SLC6A4: variants seen among roughly 807,000 people sequenced by gnomAD.
SLC6A4 encodes sodium-dependent serotonin transporter.
A neutral mutation model predicts 73.4 loss-of-function variants in SLC6A4; 22 were observed. That is an observed-to-expected ratio of 0.30 (90% CI 0.21 to 0.43). The LOEUF (loss-of-function observed/expected upper bound fraction) is 0.43, where lower values mean the gene tolerates loss of function less well. Among genes scored for constraint, SLC6A4 ranks in the 20% least tolerant of loss-of-function variants. SLC6A4 has a pLI of 1.00. For missense variants in SLC6A4, 593 were observed against 808.5 expected (o/e 0.73, Z 3.23); for synonymous variants, 270 against 315.5 (o/e 0.86, Z 1.53).
intron 5 of SLC6A4, among the ~76,000 whole-genome samples, chr17:30,217,608 G>A (rs1461769764): frequency 6.6e-6 from 1 of 152,238 alleles, no homozygotes; most frequent in Non-Finnish European, 1.5e-5. Context: ...TGAGGGATGT[G>A]TAAGTGTGGG....
chr17:30,221,915 C>T lies in SLC6A4; in HGVS notation c.44G>A (p.Cys15Tyr). The change falls in exon 3 of 15, where the codon TGT becomes TAT. Residue 15 changes from cysteine (C) to tyrosine (Y), a missense_variant. Coordinates refer to ENST00000650711, the MANE Select transcript of SLC6A4 (RefSeq NM_001045.6). ...TTCCTGACAATCTTCTCCATCTTCACACGCTGATAGCTGCTTCTGAGAATT... is the reference window on the plus strand; with the variant it reads ...TTCCTGACAATCTTCTCCATCTTCATACGCTGATAGCTGCTTCTGAGAATT... ...PLNSQKQLSA[C>Y]EDGEDCQENG... 1 of 1,614,194 alleles carries T rather than the reference C, an allele frequency of 6.2e-7. No homozygotes were observed. Among genetic ancestry groups the T allele is most frequent in the Non-Finnish European group, 8.5e-7 (1 of 1,180,036 alleles).
chr17:30,199,051 G>T (rs1411483918), intron 14 of SLC6A4, among the ~76,000 whole-genome samples: 3 of 152,128 alleles, frequency 2.0e-5, no homozygotes, highest in Admixed American at 6.6e-5. Flanking sequence ...AAGCAATACT[G>T]GTTAGTTCAT....
intron 13 of SLC6A4, chr17:30,206,134 T>C (rs1201576564): frequency 6.6e-6 from 1 of 150,724 alleles, no homozygotes; most frequent in Admixed American, 6.6e-5. Context: ...ACAGAACAGC[T>C]GGATGCCAAA....
chr17:30,227,205 G>A (rs1207946556), intron 1 of SLC6A4, among the ~76,000 whole-genome samples: 1 of 152,346 alleles, frequency 6.6e-6, no homozygotes, highest in Admixed American at 6.5e-5. Flanking sequence ...GGGGGCTCAC[G>A]TTTGCATCTG....
chr17:30,212,942 CT>C, intron 8 of SLC6A4, 75 bp from the exon 9 acceptor site: 2 of 1,530,978 alleles, frequency 1.3e-6, no homozygotes, highest in Non-Finnish European at 1.8e-6. Flanking sequence ...GTCCGTGTGC[CT>C]GCCCTGCCTT....
At chr17:30,218,006 ATC>A in intron 5 of SLC6A4, 110 bp downstream of exon 5, 1 of 773,074 alleles carries the variant, frequency 1.3e-6, no homozygotes, top group South Asian at 1.7e-5. Context: ...TGATAGCTTC[ATC>A]TCTCAGAAAG....
chr17:30,222,150 T>C, intron 2 of SLC6A4, 69 bp from the exon 3 acceptor site: 1 of 968,812 alleles, frequency 1.0e-6, no homozygotes, highest in Non-Finnish European at 1.5e-6. Flanking sequence ...TATTAACTCA[T>C]CATACATCTT....
chr17:30,203,540 C>G (rs866496269), intron 13 of SLC6A4: 1 of 564,954 alleles, frequency 1.8e-6, no homozygotes, highest in African/African-American at 1.9e-5. Context: ...CAGCCAGGTG[C>G]TTTCCCTGAT....
Position 30,222,036 on chromosome 17 carries a change from C to A in SLC6A4, c.-78G>T. The A allele has an allele frequency of 6.2e-7, 1 of 1,605,018 alleles. No homozygotes were observed. Among genetic ancestry groups the A allele is most frequent in the South Asian group, 1.1e-5 (1 of 89,932 alleles). On this transcript the variant is annotated 5_prime_UTR_variant, in exon 3 of 15. Coordinates refer to ENST00000650711, the MANE Select transcript of SLC6A4 (RefSeq NM_001045.6). ...TCTCTGGGTGCTTGGATTTGTGGATCACCTCCGAGCTCTCTATCGTCGGGA... is the reference window on the plus strand; with the variant it reads ...TCTCTGGGTGCTTGGATTTGTGGATAACCTCCGAGCTCTCTATCGTCGGGA...
rs1338210090 is a variant in SLC6A4, at chr17:30,221,951, G to A, written c.8C>T (p.Thr3Met). The stretch of plus-strand genomic sequence containing the variant: ...CTGCTTCTGAGAATTCAAGGGCGTC[G>A]TCTCCATCCTGCTGGTTAGTAAATG... ME[T>M]TPLNSQKQLS... The change falls in exon 3 of 15, where the codon ACG (threonine) becomes ATG (methionine). Residue 3 changes from threonine (T) to methionine (M), a missense_variant. By Grantham distance (81) the Thr-to-Met change is moderately conservative. Transcript: ENST00000650711. The A allele has an allele frequency of 8.1e-6, 13 of 1,613,870 alleles. No individual in the cohort carries two copies. In the Admixed American group the frequency reaches 1.2e-4, roughly 14 times the overall value.
Position 30,221,985 on chromosome 17 carries a change from G to A in SLC6A4, c.-27C>T, listed in dbSNP as rs200782110. 1.9e-6 allele frequency: 3 copies of A among 1,613,722 alleles called. No individual in the cohort carries two copies. The highest frequency in any genetic ancestry group is 1.1e-5 in the South Asian group (1 of 91,052). ...CTGCTGGTTAGTAAATGACACTGAT[G>A]TCCATCTGCCAAGGATCCCAATTGA... On this transcript the variant is annotated 5_prime_UTR_variant, in exon 3 of 15. Coordinates refer to ENST00000650711, the MANE Select transcript of SLC6A4 (RefSeq NM_001045.6).
intron 7 of SLC6A4, 77 bp from the exon 8 acceptor site, chr17:30,215,791 C>G (rs2143014850): frequency 7.9e-7 from 1 of 1,273,374 alleles, no homozygotes; most frequent in East Asian, 2.3e-5. Context: ...GGTCGCCACT[C>G]CTGCCTCCAT....
At chr17:30,218,661 C>A in intron 4 of SLC6A4, 136 bp downstream of exon 4, 3 of 886,938 alleles carry the variant, frequency 3.4e-6, no homozygotes, top group Non-Finnish European at 5.3e-6. Context: ...CAGTCAAAAC[C>A]TTAATTACTC....
intron 13 of SLC6A4, among the ~76,000 whole-genome samples, chr17:30,204,132 C>T (rs562491144): frequency 2.0e-5 from 3 of 152,266 alleles, no homozygotes; most frequent in Non-Finnish European, 4.4e-5. Flanking sequence ...GTGCTCCCAA[C>T]ACCCAGTTTA....
In SLC6A4 at chr17:30,207,755, C is replaced by T. The variant is rs754815105; in HGVS notation, c.1627G>A (p.Ala543Thr). Residue 543 changes from alanine to threonine, a missense_variant, in exon 13 of 15, where the codon GCC (alanine) becomes ACC (threonine). Physicochemically the swap from Ala to Thr is moderately conservative, Grantham distance 58. Transcript: ENST00000650711. ...ACCAGGAGAAACAGAGGGCTGATGG[C>T]CACCCAGCAGATCCTCCAGAACCAC... is the stretch of plus-strand genomic sequence containing the variant. ...PGWFWRICWVAISPLFLLFII... is the reference protein window; with the variant it reads ...PGWFWRICWVTISPLFLLFII... The T allele has an allele frequency of 1.2e-6, 2 of 1,612,398 alleles. No individual in the cohort carries two copies. The highest frequency in any genetic ancestry group is 1.3e-5 in the African/African-American group (1 of 74,836).
intron 11 of SLC6A4, among the ~76,000 whole-genome samples, chr17:30,209,643 CAA>C (rs113621056): frequency 5.2e-4 from 30 of 57,574 alleles, no homozygotes; most frequent in Admixed American, 3.9e-4. Context: ...AGACTCTGTC[CAA>C]AAAAAAAAAA....
rs1395281409 is a variant in SLC6A4 at position 30,214,999 on chromosome 17, CCTTT to C, written c.1076+608_1076+611del. On this transcript the variant is annotated intron_variant, in intron 8 of 14. Coordinates refer to ENST00000650711, the MANE Select transcript of SLC6A4 (RefSeq NM_001045.6). ...TTTCTTTCTTTTTCTTTCCTTCCTT[CCTTT>C]CTTTCTTTCTTTCTTTCTTTTTTCT... Among the ~76,000 whole-genome samples the C allele has an allele frequency of 9.1e-3, 251 of 27,478 alleles. 2 individuals carry two copies. Among genetic ancestry groups the C allele is most frequent in the Middle Eastern group, 0.04 (2 of 50 alleles). The allele number at this position is 27,478 out of a possible 152,430, so 18.0% of individuals were successfully genotyped here.
intron 1 of SLC6A4, among the ~76,000 whole-genome samples, chr17:30,225,761 C>A (rs1326700960): frequency 6.6e-6 from 1 of 152,160 alleles, no homozygotes; most frequent in Non-Finnish European, 1.5e-5. Context: ...AAGCTTCGTC[C>A]CCCTAGGTCT....
intron 11 of SLC6A4, 105 bp downstream of exon 11, chr17:30,210,410 C>T: frequency 7.7e-7 from 1 of 1,295,030 alleles, no homozygotes; most frequent in East Asian, 2.5e-5. Context: ...CTCCTTTGGT[C>T]CCAAAGCCAG....
Sources: allele counts gnomAD v4.1 joint callset (sites outside exome capture counted in the v4.1 genomes callset), GRCh38; gene constraint gnomAD v4.1.1; transcripts MANE v1.5; gene names NCBI Gene and HGNC (gene_info 2026-07-23, HGNC 2026-07-21).